Variants in C16orf95 observed in about 807,000 individuals in gnomAD.
C16orf95 encodes the protein chromosome 16 open reading frame 95.
C16orf95 carries 41 observed loss-of-function variants against 32.1 expected under a neutral mutation model. That is an observed-to-expected ratio of 1.28 (90% CI 1.00 to 1.66). C16orf95 has a LOEUF of 1.66. Among genes scored for constraint, C16orf95 ranks in the 40% most tolerant of loss-of-function variants. The probability of loss-of-function intolerance (pLI) is 0.00; values close to 1 mark genes in which losing one functional copy is unlikely to be tolerated. For missense variants in C16orf95, 399 were observed against 325.9 expected (o/e 1.22, Z -1.73); for synonymous variants, 147 against 128.9 (o/e 1.14, Z -0.95).
At chr16:87,315,939 T>G in intron 1 of C16orf95, 116 bp from the exon 2 acceptor site, 1 of 570,788 alleles carries the variant, frequency 1.8e-6, no homozygotes, top group South Asian at 3.4e-5. Flanking sequence ...AGCCCACGGG[T>G]GGTGGGGATG....
chr16:87,309,174 A>T (rs1332652095), intron 5 of C16orf95, among the ~76,000 whole-genome samples: 3 of 152,014 alleles, frequency 2.0e-5, no homozygotes, highest in African/African-American at 7.3e-5. Context: ...TTTGGGTTCA[A>T]TTTTAGCAGA....
intron 1 of C16orf95, 75 bp from the exon 2 acceptor site, chr16:87,315,898 C>T: frequency 1.8e-6 from 2 of 1,103,460 alleles, no homozygotes; most frequent in Non-Finnish European, 2.5e-6. Flanking sequence ...AGGCCTGGAC[C>T]TGTCTTCTCA....
At chr16:87,303,322 G>A (rs1910850884) in intron 6 of C16orf95, 1 of 523,712 alleles carries the variant, frequency 1.9e-6, no homozygotes, top group Non-Finnish European at 3.5e-6. Flanking sequence ...CTTCTGAAAA[G>A]GGATGATAAT....
Position 87,305,513 on chromosome 16 carries a change from G to GCCCCCA in C16orf95, c.701+205_701+206insTGGGGG. On this transcript the variant is annotated intron_variant, in intron 6 of 6. Coordinates refer to ENST00000567970, the MANE Select transcript of C16orf95 (RefSeq NM_001195124.3). This position sits in a 1 kb window ranked among gnomAD's most constrained non-coding sequence, Gnocchi z 4.2. Reference sequence around the variant, plus strand: ...CCCACGAGGCCCCCGCCGCCCCCAGGCTGCCCTGGCATCTCTAGGTGACGC... The same window carrying GCCCCCA: ...CCCACGAGGCCCCCGCCGCCCCCAGGCCCCCACTGCCCTGGCATCTCTAGGTGACGC... Among the ~76,000 whole-genome samples the GCCCCCA allele has an allele frequency of 1.4e-5, 2 of 145,882 alleles. No individual in the cohort carries two copies. Among genetic ancestry groups the GCCCCCA allele is most frequent in the African/African-American group, 5.0e-5 (2 of 40,322 alleles).
chr16:87,304,019 G>A (rs2150644875), intron 6 of C16orf95, among the ~76,000 whole-genome samples: 1 of 152,138 alleles, frequency 6.6e-6, no homozygotes, highest in East Asian at 1.9e-4. Context: ...CTTTAAAATT[G>A]TTTCTTAAAT....
intron 3 of C16orf95, among the ~76,000 whole-genome samples, chr16:87,314,283 A>G (rs1479934348): frequency 6.6e-6 from 1 of 152,208 alleles, no homozygotes; most frequent in Non-Finnish European, 1.5e-5. Flanking sequence ...TTCTGGGCGA[A>G]TGAATAAACT....
At position 87,305,589 on chromosome 16, in the gene C16orf95, G is replaced by A. The variant is rs1425228012; in HGVS notation, c.701+130C>T. Reference sequence around the variant, plus strand: ...CACCACAGGACACACTCACAGTGCCGGGCCTTGGACGCCTGTCAAGTTAAG... The same window carrying A: ...CACCACAGGACACACTCACAGTGCCAGGCCTTGGACGCCTGTCAAGTTAAG... On this transcript the variant is annotated intron_variant, in intron 6 of 6. Coordinates refer to ENST00000567970, the MANE Select transcript of C16orf95 (RefSeq NM_001195124.3). The surrounding 1 kb of genome is among the most constrained non-coding windows in gnomAD (Gnocchi z 4.2). 11 of 687,316 alleles carry A rather than the reference G, an allele frequency of 1.6e-5. No homozygotes were observed. Among genetic ancestry groups the A allele is most frequent in the South Asian group, 3.8e-5 (2 of 52,518 alleles). 42.6% of individuals were successfully genotyped at this position (687,316 alleles called of 1,614,324 possible).
chr16:87,317,057 G>A (rs562913738), intron 1 of C16orf95, 34 bp downstream of exon 1: 2 of 1,476,512 alleles, frequency 1.4e-6, no homozygotes, highest in Non-Finnish European at 1.8e-6. Flanking sequence ...GCGAGGTGTC[G>A]GGTAGCCGCG....
At chr16:87,304,938 T>C (rs182384862) in intron 6 of C16orf95, among the ~76,000 whole-genome samples, 4 of 152,332 alleles carry the variant, frequency 2.6e-5, no homozygotes, top group South Asian at 2.1e-4. Flanking sequence ...AGTAAATGCA[T>C]GTAAATTCGA....
At chr16:87,311,378 C>T (rs779335169) in intron 3 of C16orf95, 82 bp from the exon 4 acceptor site, 23 of 1,360,180 alleles carry the variant, frequency 1.7e-5, no homozygotes, top group Non-Finnish European at 2.2e-5. Flanking sequence ...GGAGCCATCC[C>T]CCAGAAGATC....
rs570956672 is a variant in C16orf95, at chr16:87,302,994, T to C, written c.*63A>G. The C allele has an allele frequency of 1.2e-5, 18 of 1,513,760 alleles. No homozygotes were observed. The African/African-American group carries it at 2.5e-4, about 21-fold the overall frequency. 93.8% of individuals were successfully genotyped at this position (1,513,760 alleles called of 1,614,324 possible). On this transcript the variant is annotated 3_prime_UTR_variant, in exon 7 of 7. Transcript: ENST00000567970. ...CAGACGCCTCCTGATTGGTGGACTC[T>C]CAAAGATCTTGATCGTGACACATTT...
chr16:87,305,965 G>A lies in C16orf95; in HGVS notation c.515-60C>T, dbSNP rs1911008246. The A allele has an allele frequency of 7.7e-6, 10 of 1,298,718 alleles. No individual in the cohort carries two copies. Among genetic ancestry groups the A allele is most frequent in the South Asian group, 1.8e-5 (1 of 55,572 alleles). The allele number at this position is 1,298,718 out of a possible 1,614,324, so 80.4% of individuals were successfully genotyped here. On this transcript the variant is annotated intron_variant, in intron 5 of 6. Transcript: ENST00000567970. This position sits in a 1 kb window ranked among gnomAD's most constrained non-coding sequence, Gnocchi z 4.2. ...TGTTCTCCGGGACTCTGTGAGCCAC[G>A]AGGAGGCTGCAACACCAGCCCCAGA...
Position 87,314,997 on chromosome 16 carries a change from G to C in C16orf95, c.304C>G (p.Pro102Ala). 2 of 1,536,120 alleles carry C rather than the reference G, an allele frequency of 1.3e-6. No homozygotes were observed. The highest frequency in any genetic ancestry group is 1.7e-6 in the Non-Finnish European group (2 of 1,146,892). Residue 102 changes from proline to alanine, a missense_variant, in exon 3 of 7, where the codon CCT becomes GCT. By Grantham distance (27) the Pro-to-Ala change is conservative. Transcript: ENST00000567970. ...TGCTTTCGGGGTCTCAGGGACAGAG[G>C]GACCCAGTAAGGCAGTGCTGCTTCC... ...RVEAALPYWV[P>A]LSLRPRKQSQ...
chr16:87,304,322 T>C (rs574486968), intron 6 of C16orf95, among the ~76,000 whole-genome samples: 1 of 152,072 alleles, frequency 6.6e-6, no homozygotes, highest in East Asian at 1.9e-4. Context: ...CCTCTAAGGC[T>C]GGGATCCAGG....
At chr16:87,309,059 C>T (rs771626155) in intron 5 of C16orf95, among the ~76,000 whole-genome samples, 76 of 152,194 alleles carry the variant, frequency 5.0e-4, no homozygotes, top group Non-Finnish European at 9.6e-4. Context: ...AGTCACCCAT[C>T]TGGAAACTGC....
Position 87,310,333 on chromosome 16 carries a change from T to C in C16orf95, c.478A>G (p.Ile160Val), listed in dbSNP as rs1260705476. The C allele has an allele frequency of 1.3e-6, 2 of 1,536,006 alleles. No individual in the cohort carries two copies. Among genetic ancestry groups the C allele is most frequent in the Non-Finnish European group, 1.7e-6 (2 of 1,146,896 alleles). The change falls in exon 5 of 7, where the codon ATA becomes GTA. Residue 160 changes from isoleucine to valine, a missense_variant and splice_region_variant. By Grantham distance (29) the Ile-to-Val change is conservative. Coordinates refer to ENST00000567970, the MANE Select transcript of C16orf95 (RefSeq NM_001195124.3). Reference sequence around the variant, plus strand: ...TTCAAACTCTGCTGCCTCCTGACTATCTAAAAGACAAGAATGGAGGCAAGC... The same window carrying C: ...TTCAAACTCTGCTGCCTCCTGACTACCTAAAAGACAAGAATGGAGGCAAGC... ...VPQVLRSQQQ[I>V]VRRQQSLKGI...
chr16:87,304,663 C>T (rs1402557248), intron 6 of C16orf95, among the ~76,000 whole-genome samples: 4 of 152,194 alleles, frequency 2.6e-5, no homozygotes, highest in Non-Finnish European at 5.9e-5. Flanking sequence ...ACAAGGGACC[C>T]GTACCCCGAT....
chr16:87,315,779 CG>C lies in C16orf95; in HGVS notation c.196del (p.Arg66ValfsTer40). The C allele has an allele frequency of 6.5e-7, 1 of 1,528,944 alleles. No individual in the cohort carries two copies. Among genetic ancestry groups the C allele is most frequent in the Non-Finnish European group, 8.7e-7 (1 of 1,143,248 alleles). 94.7% of individuals were successfully genotyped at this position (1,528,944 alleles called of 1,614,324 possible). A position where few individuals can be genotyped will look rare whatever the true frequency, so the allele number is the denominator to read the frequency against. ...AGGATTTGCTTTCCTTACCGAATGACGGGGGAGGCACACTTCTTTCTTGTAG... is the reference window on the plus strand; with the variant it reads ...AGGATTTGCTTTCCTTACCGAATGACGGGGAGGCACACTTCTTTCTTGTAG... ...QTYKKEVCLP[R>X]HSMHPGPWAI... On this transcript the variant is annotated frameshift_variant, in exon 2 of 7. Coordinates refer to ENST00000567970, the MANE Select transcript of C16orf95 (RefSeq NM_001195124.3). LOFTEE classifies it high-confidence loss of function.
At chr16:87,311,548 C>G (rs1911285140) in intron 3 of C16orf95, among the ~76,000 whole-genome samples, 1 of 152,230 alleles carries the variant, frequency 6.6e-6, no homozygotes, top group African/African-American at 2.4e-5. Flanking sequence ...CCCTACCCAC[C>G]ATCTGCACCT....
Sources: allele counts gnomAD v4.1 joint callset (sites outside exome capture counted in the v4.1 genomes callset), GRCh38; gene constraint gnomAD v4.1.1; non-coding constraint Gnocchi (gnomAD v3.1); transcripts MANE v1.5; gene names NCBI Gene and HGNC (gene_info 2026-07-23, HGNC 2026-07-21).